Variants in GRID2 observed in about 807,000 individuals in gnomAD.
The protein encoded by GRID2 is glutamate receptor ionotropic, delta-2.
Under a neutral mutation model 114.8 loss-of-function variants are expected in GRID2, and 33 were observed. That is an observed-to-expected ratio of 0.29 (90% CI 0.22 to 0.38). GRID2 has a LOEUF of 0.38. Among genes scored for constraint, GRID2 ranks in the 10% least tolerant of loss-of-function variants. GRID2 has a pLI of 1.00. For synonymous variants in GRID2, 505 were observed against 449.9 expected (o/e 1.12, Z -1.55); for missense variants, 1,184 against 1,257.7 (o/e 0.94, Z 0.89).
chr4:93,514,916 A>G (rs1729557781), intron 12 of GRID2, among the ~76,000 whole-genome samples: 1 of 152,152 alleles, frequency 6.6e-6, no homozygotes, highest in Admixed American at 6.6e-5. Flanking sequence ...CTTGTCTTTG[A>G]TGGAATTGCT....
chr4:93,030,586 T>C (rs1327545237), intron 2 of GRID2, among the ~76,000 whole-genome samples: 3 of 151,906 alleles, frequency 2.0e-5, no homozygotes, highest in Non-Finnish European at 2.9e-5. Context: ...GATTTTGCCA[T>C]GTTGGCCAGG....
chr4:93,774,685 G>A (rs2110345981), downstream of GRID2: 1 of 152,120 alleles, frequency 6.6e-6, no homozygotes, highest in Admixed American at 6.5e-5. Flanking sequence ...AGTTTTACTG[G>A]CAGAACTATG....
chr4:92,841,985 A>T (rs1232760342), intron 2 of GRID2, among the ~76,000 whole-genome samples: 1 of 152,112 alleles, frequency 6.6e-6, no homozygotes, highest in Non-Finnish European at 1.5e-5. Flanking sequence ...ACTGGCCTTA[A>T]TGCAATGCTT....
chr4:92,350,025 C>G (rs1422543174), intron 1 of GRID2, among the ~76,000 whole-genome samples: 2 of 151,896 alleles, frequency 1.3e-5, no homozygotes, highest in Admixed American at 6.6e-5. Context: ...ATAACCATTA[C>G]ATATTACAAT....
intron 8 of GRID2, among the ~76,000 whole-genome samples, chr4:93,377,054 A>G (rs1190656507): frequency 6.6e-6 from 1 of 152,140 alleles, no homozygotes; most frequent in African/African-American, 2.4e-5. Flanking sequence ...GGACTTCTTA[A>G]CTTTTAGAGA....
intron 2 of GRID2, among the ~76,000 whole-genome samples, chr4:92,711,454 G>A (rs988866454): frequency 7.9e-5 from 12 of 152,248 alleles, no homozygotes; most frequent in Middle Eastern, 3.4e-3. Flanking sequence ...TTTGTTGGTT[G>A]TCAACCAAGA....
chr4:92,310,266 A>G (rs544633836), intron 1 of GRID2, among the ~76,000 whole-genome samples: 2 of 152,164 alleles, frequency 1.3e-5, no homozygotes, highest in South Asian at 2.1e-4. Flanking sequence ...AGCATATTTC[A>G]TTATAAGAAT....
At chr4:93,251,943 C>T (rs4643781) in intron 8 of GRID2, among the ~76,000 whole-genome samples, 105,184 of 151,522 alleles carry the variant, frequency 0.69, 37,020 homozygotes, top group Middle Eastern at 0.85. Flanking sequence ...GCAGTGAACA[C>T]AAGTGTGCAT....
chr4:93,551,997 A>G (rs979369270), intron 13 of GRID2, among the ~76,000 whole-genome samples: 8 of 151,562 alleles, frequency 5.3e-5, no homozygotes, highest in African/African-American at 1.9e-4. Flanking sequence ...TTCATTTAAC[A>G]TTAGGTATAT....
chr4:92,513,141 A>G (rs1474893784), intron 1 of GRID2, among the ~76,000 whole-genome samples: 1 of 151,870 alleles, frequency 6.6e-6, no homozygotes, highest in African/African-American at 2.4e-5. Flanking sequence ...ATCATTGTTA[A>G]TTGCTGTGAT....
At chr4:92,950,905 A>T (rs746662619) in intron 2 of GRID2, among the ~76,000 whole-genome samples, 2 of 152,126 alleles carry the variant, frequency 1.3e-5, no homozygotes, top group African/African-American at 2.4e-5. Flanking sequence ...TTTGAAAATT[A>T]CTTGGCAAAT....
intron 10 of GRID2, among the ~76,000 whole-genome samples, chr4:93,446,485 G>C (rs887943065): frequency 6.6e-6 from 1 of 152,022 alleles, no homozygotes; most frequent in Non-Finnish European, 1.5e-5. Flanking sequence ...ACCAAGAGAA[G>C]AAATGAAGGA....
chr4:92,829,148 G>A (rs1359321484), intron 2 of GRID2, among the ~76,000 whole-genome samples: 1 of 152,090 alleles, frequency 6.6e-6, no homozygotes, highest in Non-Finnish European at 1.5e-5. Flanking sequence ...ATAGTTTTAG[G>A]TTTTACATTT....
At chr4:92,382,929 T>G (rs532996710) in intron 1 of GRID2, among the ~76,000 whole-genome samples, 1 of 152,046 alleles carries the variant, frequency 6.6e-6, no homozygotes, top group East Asian at 1.9e-4. Context: ...TTTAGTTGGG[T>G]CATGGTTCTG....
At chr4:93,584,567 G>T (rs1347041553) in intron 13 of GRID2, among the ~76,000 whole-genome samples, 5 of 151,928 alleles carry the variant, frequency 3.3e-5, no homozygotes, top group Non-Finnish European at 7.4e-5. Flanking sequence ...CTTTTTGTAA[G>T]AGGATACAAT....
chr4:93,005,889 T>G lies in GRID2; in HGVS notation c.245-79106T>G, dbSNP rs184628051. Among the ~76,000 whole-genome samples, 30 of 152,194 alleles carry G rather than the reference T, an allele frequency of 2.0e-4. No individual in the cohort carries two copies. In the East Asian group the frequency reaches 5.6e-3, roughly 28 times the overall value. On this transcript the variant is annotated intron_variant, in intron 2 of 15. Transcript: ENST00000282020. ...AAGCCTCCTACCTAGCTTATAAATT[T>G]CATTATCTACCACTCTCCATTTACA... is the stretch of plus-strand genomic sequence containing the variant.
intron 14 of GRID2, among the ~76,000 whole-genome samples, chr4:93,645,092 G>C (rs1649074154): frequency 6.6e-6 from 1 of 152,102 alleles, no homozygotes. Context: ...AATGACCCAG[G>C]CAAAGTCAAA....
At chr4:92,501,315 C>G (rs1039258860) in intron 1 of GRID2, among the ~76,000 whole-genome samples, 2 of 152,094 alleles carry the variant, frequency 1.3e-5, no homozygotes, top group African/African-American at 4.8e-5. Flanking sequence ...CTCATTTTAC[C>G]AGCAATTCAA....
At chr4:92,876,594 C>G (rs752828242) in intron 2 of GRID2, among the ~76,000 whole-genome samples, 1 of 152,114 alleles carries the variant, frequency 6.6e-6, no homozygotes, top group African/African-American at 2.4e-5. Context: ...CGTGAGCCAC[C>G]GCACCCGGCC....
Sources: allele counts gnomAD v4.1 joint callset (sites outside exome capture counted in the v4.1 genomes callset), GRCh38; gene constraint gnomAD v4.1.1; transcripts MANE v1.5; gene names NCBI Gene and HGNC (gene_info 2026-07-23, HGNC 2026-07-21).